The following CA10 variants were observed in gnomAD, a reference collection of about 807,000 sequenced individuals.
The protein encoded by CA10 is carbonic anhydrase 10 (inactive), also known as carbonic anhydrase-related protein 10.
Under a neutral mutation model 44.2 loss-of-function variants are expected in CA10, and 14 were observed. The ratio of observed to expected loss-of-function variants is 0.32; its 90% CI spans 0.21 to 0.50. The LOEUF (loss-of-function observed/expected upper bound fraction) is 0.50. Among genes scored for constraint, CA10 ranks in the 20% least tolerant of loss-of-function variants. The pLI, the probability that CA10 is intolerant of heterozygous loss-of-function variation, is 0.99. For synonymous variants in CA10, 159 were observed against 141.6 expected, an observed-to-expected ratio of 1.12 and a Z score of -0.87; for missense variants, 350 against 409.7, an observed-to-expected ratio of 0.85 and a Z score of 1.26.
intron 2 of CA10, among the ~76,000 whole-genome samples, chr17:52,010,776 T>A (rs1013477444): frequency 2.0e-5 from 3 of 149,388 alleles, no homozygotes; most frequent in Admixed American, 1.4e-4. Context: ...CTTATTAATA[T>A]TATTTATATT....
chr17:52,019,558 A>AT (rs1488525871), intron 2 of CA10, among the ~76,000 whole-genome samples: 3 of 151,890 alleles, frequency 2.0e-5, no homozygotes, highest in East Asian at 1.9e-4. Flanking sequence ...ACACTTTATA[A>AT]TTTTTTTTAC....
intron 1 of CA10, among the ~76,000 whole-genome samples, chr17:52,104,735 C>A (rs568066254): frequency 6.6e-6 from 1 of 152,320 alleles, no homozygotes; most frequent in African/African-American, 2.4e-5. Context: ...AAGAGGCATT[C>A]ACCCTCTCCC....
chr17:51,994,793 G>A (rs558506726), intron 2 of CA10, among the ~76,000 whole-genome samples: 16 of 151,760 alleles, frequency 1.1e-4, no homozygotes, highest in Non-Finnish European at 1.9e-4. Context: ...TGGACTTCCA[G>A]CAAAAAGAAT....
At chr17:51,996,384 A>T (rs984106748) in intron 2 of CA10, among the ~76,000 whole-genome samples, 4 of 152,004 alleles carry the variant, frequency 2.6e-5, no homozygotes, top group African/African-American at 9.7e-5. Flanking sequence ...AGCCTAGACA[A>T]TTACAATCAC....
chr17:52,035,025 G>C (rs149219499), intron 2 of CA10, among the ~76,000 whole-genome samples: 7 of 152,296 alleles, frequency 4.6e-5, no homozygotes, highest in South Asian at 2.1e-4. Context: ...CCTACTGATA[G>C]GGACAGGAGG....
At chr17:51,862,133 T>A (rs1979338560) in intron 3 of CA10, among the ~76,000 whole-genome samples, 1 of 152,210 alleles carries the variant, frequency 6.6e-6, no homozygotes, top group Non-Finnish European at 1.5e-5. Context: ...GACCAATTAG[T>A]GGAAAACACA....
intron 2 of CA10, among the ~76,000 whole-genome samples, chr17:52,025,254 G>T (rs1263937961): frequency 6.6e-6 from 1 of 152,122 alleles, no homozygotes; most frequent in Non-Finnish European, 1.5e-5. Flanking sequence ...CAGGGCACCA[G>T]TGCCCTAAAC....
At chr17:52,033,840 G>A (rs1267020003) in intron 2 of CA10, among the ~76,000 whole-genome samples, 1 of 152,142 alleles carries the variant, frequency 6.6e-6, no homozygotes, top group African/African-American at 2.4e-5. Context: ...ACTCCTAAGA[G>A]ATTATTCAGC....
chr17:52,078,650 A>G (rs1046875074), intron 1 of CA10, among the ~76,000 whole-genome samples: 1 of 152,194 alleles, frequency 6.6e-6, no homozygotes, highest in African/African-American at 2.4e-5. Context: ...AGTACTTCTA[A>G]CATTGGATGC....
chr17:52,136,687 C>G (rs891104399), intron 1 of CA10, among the ~76,000 whole-genome samples: 2 of 152,022 alleles, frequency 1.3e-5, no homozygotes, highest in Non-Finnish European at 2.9e-5. Context: ...CCCTCTGCCC[C>G]CCTTTCTGAG....
intron 3 of CA10, among the ~76,000 whole-genome samples, chr17:51,877,472 C>G (rs1833912618): frequency 3.3e-5 from 5 of 152,184 alleles, no homozygotes. Flanking sequence ...TTACTCTTCC[C>G]TGACCATCCC....
intron 1 of CA10, 94 bp from the exon 2 acceptor site, chr17:52,072,487 A>T (rs1987705303): frequency 3.7e-6 from 3 of 812,822 alleles, no homozygotes; most frequent in Non-Finnish European, 4.1e-6. Context: ...CCATAAAATA[A>T]CCCTTTTCTA....
intron 2 of CA10, among the ~76,000 whole-genome samples, chr17:51,947,818 T>C (rs537474822): frequency 2.6e-4 from 40 of 152,164 alleles, no homozygotes; most frequent in Non-Finnish European, 4.4e-4. Flanking sequence ...CAAACACTTC[T>C]GCTTGCAAAG....
chr17:51,907,219 G>A (rs1352728315), intron 3 of CA10, among the ~76,000 whole-genome samples: 4 of 152,046 alleles, frequency 2.6e-5, no homozygotes, highest in Non-Finnish European at 5.9e-5. Context: ...AATGTGCCAA[G>A]TCTGTACCAC....
chr17:51,805,582 C>G (rs1421244963), intron 3 of CA10, among the ~76,000 whole-genome samples: 1 of 152,196 alleles, frequency 6.6e-6, no homozygotes, highest in Admixed American at 6.5e-5. Context: ...ATTTTAAAAA[C>G]TCCCCAAGAA....
At chr17:52,117,731 C>T (rs1256827742) in intron 1 of CA10, among the ~76,000 whole-genome samples, 2 of 152,088 alleles carry the variant, frequency 1.3e-5, no homozygotes, top group Non-Finnish European at 2.9e-5. Context: ...ATTGAGACCA[C>T]TGAAAATGGA....
intron 4 of CA10, among the ~76,000 whole-genome samples, chr17:51,729,315 A>G (rs188326217): frequency 6.6e-6 from 1 of 152,130 alleles, no homozygotes; most frequent in East Asian, 2.0e-4. Context: ...ATTCAATGTC[A>G]TCTTTTCAGA....
chr17:51,951,286 C>A (rs1033449146), intron 2 of CA10, among the ~76,000 whole-genome samples: 4 of 152,128 alleles, frequency 2.6e-5, no homozygotes, highest in Non-Finnish European at 4.4e-5. Context: ...TTTCTCCCTC[C>A]TGATTTCCGT....
chr17:52,039,039 C>T lies in CA10; in HGVS notation c.136+33280G>A, dbSNP rs182012054. Among the ~76,000 whole-genome samples the T allele has an allele frequency of 1.2e-3, 185 of 152,094 alleles. 5 individuals are homozygous for T. The South Asian group carries it at 0.023, about 19-fold the overall frequency. ...AATTAAATGATTTCTAAAATTTTTCCCAACTCATGCATTTTATAATTATTT... is the reference window on the plus strand; with the variant it reads ...AATTAAATGATTTCTAAAATTTTTCTCAACTCATGCATTTTATAATTATTT... On this transcript the variant is annotated intron_variant, in intron 2 of 8. Transcript: ENST00000451037.
Sources: gnomAD v4.1 joint callset for allele counts (sites outside exome capture counted in the v4.1 genomes callset) on GRCh38, gnomAD v4.1.1 for gene constraint, MANE v1.5 for transcripts, NCBI Gene and HGNC (gene_info 2026-07-23, HGNC 2026-07-21) for gene names.